ATP2B2: variants seen among roughly 807,000 people sequenced by gnomAD.
The protein encoded by ATP2B2 is ATPase plasma membrane Ca2+ transporting 2, also known as plasma membrane calcium-transporting ATPase 2.
Under a neutral mutation model 120.0 loss-of-function variants are expected in ATP2B2, and 15 were observed. That is an observed-to-expected ratio of 0.12 (90% CI 0.08 to 0.19). The LOEUF is 0.19. ATP2B2 is among the 10% of genes least tolerant of loss of function. ATP2B2 has a pLI of 1.00. For missense variants in ATP2B2, 1,045 were observed against 1,719.8 expected (o/e 0.61, Z 6.94); for synonymous variants, 694 against 700.3 (o/e 0.99, Z 0.14).
At chr3:10,414,166 T>A (rs1430050499) in intron 2 of ATP2B2, among the ~76,000 whole-genome samples, 1 of 152,134 alleles carries the variant, frequency 6.6e-6, no homozygotes, top group Non-Finnish European at 1.5e-5. Context: ...AAAAAGTAGG[T>A]GAGGCCAGCC....
chr3:10,407,994 T>C (rs2062476620), intron 3 of ATP2B2, among the ~76,000 whole-genome samples: 1 of 152,220 alleles, frequency 6.6e-6, no homozygotes, highest in Non-Finnish European at 1.5e-5. Flanking sequence ...ATCACTGGAC[T>C]CTGGTGCCTT....
At chr3:10,607,453 A>T (rs2069116872) in intron 2 of ATP2B2, among the ~76,000 whole-genome samples, 1 of 152,200 alleles carries the variant, frequency 6.6e-6, no homozygotes, top group Non-Finnish European at 1.5e-5. Context: ...GACTCCCTGG[A>T]GAGGGGTCAG....
At chr3:10,589,057 G>C (rs1033085110) in intron 2 of ATP2B2, among the ~76,000 whole-genome samples, 1 of 152,198 alleles carries the variant, frequency 6.6e-6, no homozygotes, top group African/African-American at 2.4e-5. Context: ...CACCTGGGTA[G>C]GGATGCATCT....
chr3:10,585,367 C>T lies in ATP2B2; in HGVS notation c.-415+34550G>A, dbSNP rs143025725. On this transcript the variant is annotated intron_variant, in intron 2 of 21. Transcript: ENST00000646379. ...AAAGTTAGCTGGGTGTGATGGTGGGCGCCTGTAGTCCCAGCTACTCAGAGG... is the reference window on the plus strand; with the variant it reads ...AAAGTTAGCTGGGTGTGATGGTGGGTGCCTGTAGTCCCAGCTACTCAGAGG... Among the ~76,000 whole-genome samples the T allele has an allele frequency of 4.1e-3, 628 of 151,636 alleles. 5 individuals are homozygous for T. Among genetic ancestry groups the T allele is most frequent in the African/African-American group, 0.013 (540 of 41,336 alleles).
At chr3:10,587,535 A>G (rs2068539449) in intron 2 of ATP2B2, among the ~76,000 whole-genome samples, 1 of 152,058 alleles carries the variant, frequency 6.6e-6, no homozygotes, top group Admixed American at 6.5e-5. Flanking sequence ...GCATGCCACC[A>G]CACCCAGCTA....
chr3:10,687,792 T>C (rs538709691), intron 1 of ATP2B2, among the ~76,000 whole-genome samples: 8 of 151,982 alleles, frequency 5.3e-5, no homozygotes, highest in Non-Finnish European at 8.8e-5. Context: ...ACCTGGGAAG[T>C]GGAGGTTGCA....
chr3:10,620,446 T>TG (rs2069513532), intron 1 of ATP2B2, among the ~76,000 whole-genome samples: 1 of 152,140 alleles, frequency 6.6e-6, no homozygotes, highest in Non-Finnish European at 1.5e-5. Flanking sequence ...GTCAGGGACT[T>TG]GGGGGTATCC....
chr3:10,455,791 CCTT>C (rs2064234157), intron 1 of ATP2B2, among the ~76,000 whole-genome samples: 1 of 152,216 alleles, frequency 6.6e-6, no homozygotes, highest in Admixed American at 6.5e-5. Context: ...AGAATCTCCT[CCTT>C]GTTTTCCCAG....
At chr3:10,390,242 C>T (rs182580230) in intron 5 of ATP2B2, among the ~76,000 whole-genome samples, 1 of 152,198 alleles carries the variant, frequency 6.6e-6, no homozygotes, top group East Asian at 1.9e-4. Flanking sequence ...CCACTTCTTC[C>T]TGTTTTCAGC....
intron 1 of ATP2B2, among the ~76,000 whole-genome samples, chr3:10,634,897 T>C (rs752252630): frequency 1.6e-4 from 24 of 152,192 alleles, no homozygotes; most frequent in Non-Finnish European, 2.9e-5. Flanking sequence ...GAGAACTTTC[T>C]TGAGGGGCAG....
Position 10,688,462 on chromosome 3 carries a change from G to C in ATP2B2, c.-460+19453C>G, listed in dbSNP as rs2071577540. 1.3e-5 allele frequency among the ~76,000 whole-genome samples: 2 copies of C among 152,164 alleles called. 1 individual carries two copies. Among genetic ancestry groups the C allele is most frequent in the Admixed American group, 1.3e-4 (2 of 15,282 alleles). ...TACTTCATTCAACATGTTTCTTTGG[G>C]GCTTTTGCCTCTAATTCCTGCTGTT... On this transcript the variant is annotated intron_variant, in intron 1 of 21. Coordinates refer to the ATP2B2 transcript ENST00000646379.
intron 2 of ATP2B2, among the ~76,000 whole-genome samples, chr3:10,415,178 C>T (rs902547123): frequency 6.6e-6 from 1 of 152,200 alleles, no homozygotes; most frequent in Non-Finnish European, 1.5e-5. Flanking sequence ...CTTCATTTCT[C>T]CTTTTGCAGG....
Position 10,634,829 on chromosome 3 carries a change from T to C in ATP2B2, c.-459-14868A>G, listed in dbSNP as rs188578838. Among the ~76,000 whole-genome samples, 457 of 152,322 alleles carry C rather than the reference T, an allele frequency of 3.0e-3. 5 individuals carry two copies. Among genetic ancestry groups the C allele is most frequent in the African/African-American group, 0.011 (438 of 41,582 alleles). ...CTCCTGGCAGCCAGAACTCCACCAT[T>C]AGCATGCGTGTCCTCTGCCAAAATA... is the stretch of plus-strand genomic sequence containing the variant. On this transcript the variant is annotated intron_variant, in intron 1 of 21. Coordinates refer to the ATP2B2 transcript ENST00000646379.
At chr3:10,697,519 C>T (rs559580993) in intron 1 of ATP2B2, among the ~76,000 whole-genome samples, 4 of 152,316 alleles carry the variant, frequency 2.6e-5, no homozygotes, top group African/African-American at 9.6e-5. Flanking sequence ...TAGGCTCTAT[C>T]GCACTCTCCT....
Position 10,471,277 on chromosome 3 carries a change from C to T in ATP2B2, c.-319-21415G>A, listed in dbSNP as rs373026089. 4.8e-4 allele frequency among the ~76,000 whole-genome samples: 73 copies of T among 152,316 alleles called. 1 individual carries two copies. In the South Asian group the frequency reaches 0.015, roughly 31 times the overall value. On this transcript the variant is annotated intron_variant, in intron 1 of 22. Transcript: ENST00000360273. ...CTGCCATTAGCCTCAGCACACACCC[C>T]TTCGGGCCAATCCCACCCTCTTCCC...
chr3:10,685,687 G>C (rs2071502921), intron 1 of ATP2B2, among the ~76,000 whole-genome samples: 1 of 152,178 alleles, frequency 6.6e-6, no homozygotes, highest in Non-Finnish European at 1.5e-5. Flanking sequence ...GTGCCCCAAA[G>C]CACCCTATGG....
chr3:10,604,290 A>T (rs2069002969), intron 2 of ATP2B2, among the ~76,000 whole-genome samples: 1 of 152,060 alleles, frequency 6.6e-6, no homozygotes. Flanking sequence ...CCACCTCCCT[A>T]GCTGCCATCT....
intron 1 of ATP2B2, among the ~76,000 whole-genome samples, chr3:10,500,652 G>C (rs983587054): frequency 6.6e-6 from 1 of 152,114 alleles, no homozygotes; most frequent in Non-Finnish European, 1.5e-5. Context: ...ACTGCCCGTA[G>C]CTAGGGAGAC....
intron 1 of ATP2B2, among the ~76,000 whole-genome samples, chr3:10,491,224 ATTTT>A (rs3077070): frequency 1.7e-5 from 2 of 119,976 alleles, no homozygotes; most frequent in African/African-American, 3.2e-5. Context: ...CCTTCATTCC[ATTTT>A]TTTTTTTTTT....
Sources: allele counts gnomAD v4.1 joint callset (sites outside exome capture counted in the v4.1 genomes callset), GRCh38; gene constraint gnomAD v4.1.1; transcripts MANE v1.5; gene names NCBI Gene and HGNC (gene_info 2026-07-23, HGNC 2026-07-21).